Variants in RRAGB observed in about 807,000 individuals in gnomAD.
The protein encoded by RRAGB is ras-related GTP-binding protein B.
RRAGB carries 6 observed loss-of-function variants against 29.3 expected under a neutral mutation model. The observed-to-expected ratio is 0.21, with a 90% CI of 0.11 to 0.40. RRAGB has a LOEUF of 0.40. RRAGB is among the 10% of genes least tolerant of loss of function. RRAGB has a pLI of 1.00. For missense variants in RRAGB, 184 were observed against 272.9 expected, an observed-to-expected ratio of 0.67 and a Z score of 2.29; for synonymous variants, 101 against 92.5, an observed-to-expected ratio of 1.09 and a Z score of -0.53.
rs745844532 is a variant in RRAGB, at chrX:55,748,200, C to T, written c.517-2901C>T. Among the ~76,000 whole-genome samples the T allele has an allele frequency of 2.1e-4, 24 of 112,475 alleles. No homozygotes were observed. In the South Asian group the frequency reaches 7.7e-3, roughly 36 times the overall value. On this transcript the variant is annotated intron_variant, in intron 5 of 9. Transcript: ENST00000374941. ...TGGTGCCCAGGCTGGAGTGCAGTGG[C>T]GTGATCTCGGCTTGCTACAACCTCC...
At chrX:55,749,055 A>G (rs1602069171) in intron 5 of RRAGB, among the ~76,000 whole-genome samples, 1 of 86,351 alleles carries the variant, frequency 1.2e-5, no homozygotes, top group Non-Finnish European at 2.2e-5. Flanking sequence ...TCTGGGAGGG[A>G]GGTGGGGGTG....
intron 5 of RRAGB, among the ~76,000 whole-genome samples, chrX:55,740,179 T>C (rs1217239650): frequency 9.0e-6 from 1 of 111,005 alleles, no homozygotes; most frequent in African/African-American, 3.3e-5. Flanking sequence ...AAAAATTAGC[T>C]GGGCGCAGTG....
chrX:55,749,171 G>A (rs1379864683), intron 5 of RRAGB, among the ~76,000 whole-genome samples: 5 of 82,532 alleles, frequency 6.1e-5, no homozygotes, highest in African/African-American at 1.3e-4. Context: ...CAGCCGCCCC[G>A]TCCGGGAGGG....
At chrX:55,720,190 C>T (rs2033214483) in intron 2 of RRAGB, among the ~76,000 whole-genome samples, 1 of 112,027 alleles carries the variant, frequency 8.9e-6, no homozygotes, top group African/African-American at 3.2e-5. Flanking sequence ...TCTGAAGTTG[C>T]TTTCATTGAG....
intron 5 of RRAGB, among the ~76,000 whole-genome samples, chrX:55,737,266 C>T (rs1253869095): frequency 8.9e-6 from 1 of 112,616 alleles, no homozygotes; most frequent in Non-Finnish European, 1.9e-5. Flanking sequence ...ACAAGCACCT[C>T]TGTCCATCTG....
intron 3 of RRAGB, among the ~76,000 whole-genome samples, chrX:55,728,723 T>G (rs1363973548): frequency 9.0e-6 from 1 of 110,823 alleles, no homozygotes; most frequent in East Asian, 2.8e-4. Context: ...AGTGTAGACA[T>G]GAGATGATAA....
Position 55,722,146 on chromosome X carries a change from G to A in RRAGB, c.127-40G>A, listed in dbSNP as rs769879554. ...CTTTAGACTTGATTTGCTCTAGATTGCTAACTTTTTTCCTTTCCTTTTCCC... is the reference window on the plus strand; with the variant it reads ...CTTTAGACTTGATTTGCTCTAGATTACTAACTTTTTTCCTTTCCTTTTCCC... On this transcript the variant is annotated intron_variant, in intron 2 of 9. Transcript: ENST00000374941. 5 of 867,722 alleles carry A rather than the reference G, an allele frequency of 5.8e-6. No homozygotes were observed. The South Asian group carries it at 6.6e-5, about 11-fold the overall frequency. 71.5% of individuals were successfully genotyped at this position (867,722 alleles called of 1,213,427 possible).
chrX:55,718,503 C>G, intron 1 of RRAGB, 84 bp downstream of exon 1: 1 of 543,259 alleles, frequency 1.8e-6, no homozygotes. Context: ...TTCTCCCCAC[C>G]CCGCACCATG....
At chrX:55,719,787 G>A (rs753578514) in intron 2 of RRAGB, among the ~76,000 whole-genome samples, 1 of 112,041 alleles carries the variant, frequency 8.9e-6, no homozygotes, top group Non-Finnish European at 1.9e-5. Context: ...CCACTATAAG[G>A]TCTTATTGAG....
At chrX:55,747,033 ACCTTTAGGAGTC>A (rs895770985) in intron 5 of RRAGB, among the ~76,000 whole-genome samples, 13 of 112,138 alleles carry the variant, frequency 1.2e-4, no homozygotes, top group Non-Finnish European at 2.1e-4. Context: ...TTCACACGTC[ACCTTTAGGAGTC>A]TGCTGAGACT....
At chrX:55,753,536 G>C in intron 7 of RRAGB, 22 bp downstream of exon 7, 1 of 1,174,784 alleles carries the variant, frequency 8.5e-7, no homozygotes, top group Non-Finnish European at 1.2e-6. Flanking sequence ...CTGCTTTGCA[G>C]ATGTACTTCA....
chrX:55,754,882 G>A (rs2034620630), intron 7 of RRAGB, among the ~76,000 whole-genome samples: 1 of 111,772 alleles, frequency 8.9e-6, no homozygotes, highest in Non-Finnish European at 1.9e-5. Flanking sequence ...CCCTGAGCCT[G>A]TTTTTCCTGC....
intron 7 of RRAGB, among the ~76,000 whole-genome samples, chrX:55,753,777 G>C (rs1284710077): frequency 8.9e-6 from 1 of 112,540 alleles, no homozygotes; most frequent in Admixed American, 9.4e-5. Context: ...GGGCATGGGG[G>C]CTCACGCCTG....
chrX:55,748,845 C>T (rs2034372689), intron 5 of RRAGB, among the ~76,000 whole-genome samples: 1 of 106,252 alleles, frequency 9.4e-6, no homozygotes, highest in Admixed American at 9.6e-5. Context: ...TGCCTCTGCC[C>T]AGCCGCCCCC....
At chrX:55,757,177 T>C in intron 8 of RRAGB, 39 bp from the exon 9 acceptor site, 1 of 760,399 alleles carries the variant, frequency 1.3e-6, no homozygotes, top group Non-Finnish European at 2.0e-6. Context: ...GTAGTGTTAT[T>C]ATTTCATTCT....
chrX:55,736,914 G>A (rs774095308), intron 5 of RRAGB, among the ~76,000 whole-genome samples: 1 of 111,688 alleles, frequency 9.0e-6, no homozygotes, highest in East Asian at 2.9e-4. Context: ...TGTTATTTTT[G>A]TGAAAAATAT....
intron 6 of RRAGB, among the ~76,000 whole-genome samples, chrX:55,752,615 A>G (rs955945894): frequency 6.2e-5 from 7 of 112,156 alleles, no homozygotes; most frequent in African/African-American, 2.3e-4. Context: ...GACTAAGACC[A>G]GGTTCCTGCC....
chrX:55,757,872 C>T (rs1399980680), intron 9 of RRAGB, among the ~76,000 whole-genome samples: 1 of 111,719 alleles, frequency 9.0e-6, no homozygotes, highest in Non-Finnish European at 1.9e-5. Context: ...ATAACCATGA[C>T]TATCACAACC....
intron 5 of RRAGB, among the ~76,000 whole-genome samples, chrX:55,735,496 A>G (rs1028180100): frequency 1.8e-5 from 2 of 112,474 alleles, no homozygotes; most frequent in Admixed American, 9.4e-5. Flanking sequence ...CCTTAAGTCT[A>G]TAAGAATCTT....
Sources: gnomAD v4.1 joint callset for allele counts (sites outside exome capture counted in the v4.1 genomes callset) on GRCh38, gnomAD v4.1.1 for gene constraint, MANE v1.5 for transcripts, NCBI Gene and HGNC (gene_info 2026-07-23, HGNC 2026-07-21) for gene names.